Variants in PIK3R5 observed in about 807,000 individuals in gnomAD.
PIK3R5 encodes the protein phosphoinositide 3-kinase regulatory subunit 5.
A neutral mutation model predicts 94.9 loss-of-function variants in PIK3R5; 32 were observed. The observed-to-expected ratio is 0.34, with a 90% CI of 0.25 to 0.45. The LOEUF (loss-of-function observed/expected upper bound fraction) is 0.45. Among genes scored for constraint, PIK3R5 ranks in the 20% least tolerant of loss-of-function variants. The pLI, the probability that PIK3R5 is intolerant of heterozygous loss-of-function variation, is 1.00. For synonymous variants in PIK3R5, 443 were observed against 479.4 expected, an observed-to-expected ratio of 0.92 and a Z score of 0.99; for missense variants, 853 against 1,144.6, an observed-to-expected ratio of 0.75 and a Z score of 3.68.
chr17:8,892,304 G>A lies in PIK3R5; in HGVS notation c.482+1282C>T, dbSNP rs1329987385. Among the ~76,000 whole-genome samples, 2 of 152,166 alleles carry A rather than the reference G, an allele frequency of 1.3e-5. No individual in the cohort carries two copies. The highest frequency in any genetic ancestry group is 2.9e-5 in the Non-Finnish European group (2 of 68,024). ...TCTGTAAGAAAAAGGAGGTGGGCTT[G>A]TATAAGCAGCCCCTTACAACCTTGT... On this transcript the variant is annotated intron_variant, in intron 6 of 18. Coordinates refer to ENST00000447110, the MANE Select transcript of PIK3R5 (RefSeq NM_001142633.3). This position sits in a 1 kb window ranked among gnomAD's most constrained non-coding sequence, Gnocchi z 4.3.
chr17:8,886,619 G>A lies in PIK3R5; in HGVS notation c.1906-14C>T. On this transcript the variant is annotated splice_polypyrimidine_tract_variant and intron_variant, in intron 12 of 18. Coordinates refer to ENST00000447110, the MANE Select transcript of PIK3R5 (RefSeq NM_001142633.3). ...CTTCAGGGACTGCTGTGGCCAGAGG[G>A]AAGGGGCAGCCAAGCCAGATGGGTG... 6.4e-7 allele frequency: 1 copy of A among 1,566,712 alleles called. No homozygotes were observed. Among genetic ancestry groups the A allele is most frequent in the Non-Finnish European group, 8.6e-7 (1 of 1,160,062 alleles).
At chr17:8,903,346 A>C (rs2090330645) in intron 5 of PIK3R5, among the ~76,000 whole-genome samples, 1 of 151,690 alleles carries the variant, frequency 6.6e-6, no homozygotes, top group Admixed American at 6.6e-5. Context: ...TACTATTTTA[A>C]TAACTATAGC....
At chr17:8,943,051 C>T (rs1242130053) in intron 1 of PIK3R5, among the ~76,000 whole-genome samples, 1 of 151,698 alleles carries the variant, frequency 6.6e-6, no homozygotes, top group Admixed American at 6.6e-5. Flanking sequence ...CACTCCTAAA[C>T]ATCAGCTTGA....
chr17:8,886,173 A>T, intron 14 of PIK3R5, 56 bp downstream of exon 14: 1 of 1,355,424 alleles, frequency 7.4e-7, no homozygotes, highest in Non-Finnish European at 1.0e-6. Flanking sequence ...ACAGAGCTCC[A>T]CGTTTCGCGT....
chr17:8,959,599 C>T (rs551872172), intron 1 of PIK3R5, among the ~76,000 whole-genome samples: 2 of 151,444 alleles, frequency 1.3e-5, no homozygotes, highest in East Asian at 3.9e-4. Flanking sequence ...AACGCTCCCC[C>T]AGGAGGCTGG....
Position 8,888,925 on chromosome 17 carries a change from T to C in PIK3R5, c.896-34A>G, listed in dbSNP as rs765397789. On this transcript the variant is annotated intron_variant, in intron 9 of 18. Transcript: ENST00000447110. This position sits in a 1 kb window ranked among gnomAD's most constrained non-coding sequence, Gnocchi z 7.8. ...AAGCAAGGCCAGCACTGTCTGGGCG[T>C]CTGGGCCCCGGATCCCCTTCTATAT... 25 of 1,566,642 alleles carry C rather than the reference T, an allele frequency of 1.6e-5. 1 individual carries two copies. In the South Asian group the frequency reaches 2.9e-4, roughly 18 times the overall value.
intron 5 of PIK3R5, among the ~76,000 whole-genome samples, chr17:8,894,144 G>A (rs1258536821): frequency 6.6e-6 from 1 of 152,208 alleles, no homozygotes; most frequent in Non-Finnish European, 1.5e-5. Flanking sequence ...TAGATCCGTG[G>A]CCTCTGAGGC....
rs1483533837 is a variant in PIK3R5 at position 8,909,413 on chromosome 17, C to T, written c.104-239G>A. On this transcript the variant is annotated intron_variant, in intron 2 of 18. Coordinates refer to ENST00000447110, the MANE Select transcript of PIK3R5 (RefSeq NM_001142633.3). This position sits in a 1 kb window ranked among gnomAD's most constrained non-coding sequence, Gnocchi z 4.3. ...CAAGCGATTCCCCTGCCTCAGCCTC[C>T]CAAGTAGCTGGGATTACAGGCACGT... is the stretch of plus-strand genomic sequence containing the variant. Among the ~76,000 whole-genome samples the T allele has an allele frequency of 2.0e-5, 3 of 152,118 alleles. No individual in the cohort carries two copies. The highest frequency in any genetic ancestry group is 2.9e-5 in the Non-Finnish European group (2 of 68,024).
chr17:8,950,543 T>A (rs535989433), intron 1 of PIK3R5, among the ~76,000 whole-genome samples: 4 of 152,234 alleles, frequency 2.6e-5, no homozygotes, highest in African/African-American at 9.6e-5. Context: ...AGAGAACATA[T>A]GGTATTTGGT....
Position 8,882,119 on chromosome 17 carries a change from C to T in PIK3R5, c.2206-238G>A. 2 of 539,468 alleles carry T rather than the reference C, an allele frequency of 3.7e-6. No individual in the cohort carries two copies. The highest frequency in any genetic ancestry group is 2.2e-5 in the South Asian group (1 of 46,472). 33.4% of individuals were successfully genotyped at this position (539,468 alleles called of 1,614,324 possible). A position where few individuals can be genotyped will look rare whatever the true frequency, so the allele number is the denominator to read the frequency against. ...GCCTCTGTGACCAGGTTGAAAGGTA[C>T]AAGAGCTGAGAGCACCTGCAGGGGT... On this transcript the variant is annotated intron_variant, in intron 15 of 18. Transcript: ENST00000447110. The surrounding 1 kb of genome is among the most constrained non-coding windows in gnomAD (Gnocchi z 4.1).
At chr17:8,891,445 G>GA (rs978470985) in intron 6 of PIK3R5, among the ~76,000 whole-genome samples, 3 of 152,084 alleles carry the variant, frequency 2.0e-5, no homozygotes, top group Admixed American at 6.5e-5. Flanking sequence ...GCTTATGAGG[G>GA]ACACCTTTTC....
Position 8,885,251 on chromosome 17 carries a change from A to C in PIK3R5, c.2129-468T>G, listed in dbSNP as rs549064477. Among the ~76,000 whole-genome samples the C allele has an allele frequency of 1.6e-4, 24 of 147,012 alleles. No homozygotes were observed. The South Asian group carries it at 5.0e-3, about 31-fold the overall frequency. On this transcript the variant is annotated intron_variant, in intron 14 of 18. Transcript: ENST00000447110. Reference sequence around the variant, plus strand: ...CTTCCCATGGTCCTGCCTCCCGGTAACCGTGCCTCCCCAGGGCCCTGCCTT... The same window carrying C: ...CTTCCCATGGTCCTGCCTCCCGGTACCCGTGCCTCCCCAGGGCCCTGCCTT...
In PIK3R5 at chr17:8,884,819, G is replaced by A; in HGVS notation, c.2129-36C>T. 2 of 1,589,000 alleles carry A rather than the reference G, an allele frequency of 1.3e-6. No individual in the cohort carries two copies. The highest frequency in any genetic ancestry group is 1.3e-5 in the African/African-American group (1 of 74,552). ...CACAGACAGACCCTTCACTACCCCT[G>A]GCTTCCCCGGCTCCTCACGAACGCA... On this transcript the variant is annotated intron_variant, in intron 14 of 18. Transcript: ENST00000447110. This position sits in a 1 kb window ranked among gnomAD's most constrained non-coding sequence, Gnocchi z 5.8.
intron 5 of PIK3R5, among the ~76,000 whole-genome samples, chr17:8,903,457 ATTT>A (rs559199387): frequency 2.0e-5 from 3 of 150,308 alleles, no homozygotes; most frequent in African/African-American, 4.9e-5. Context: ...TTTCAAATAG[ATTT>A]TTTTATTTTC....
rs1192792543 is a variant in PIK3R5 at position 8,945,819 on chromosome 17, T to C, written c.-14+19777A>G. 2.0e-5 allele frequency among the ~76,000 whole-genome samples: 3 copies of C among 152,200 alleles called. No homozygotes were observed. Among genetic ancestry groups the C allele is most frequent in the Non-Finnish European group, 4.4e-5 (3 of 68,042 alleles). On this transcript the variant is annotated intron_variant, in intron 1 of 18. Transcript: ENST00000447110. The surrounding 1 kb of genome is among the most constrained non-coding windows in gnomAD (Gnocchi z 4.0). ...ACAGATTATAGCGGAAGTGATGCTG[T>C]GTGGCTTCCAAGGCTAGGTCACTAA...
At position 8,901,210 on chromosome 17, in the gene PIK3R5, T is replaced by G. The variant is rs534235458; in HGVS notation, c.412+3567A>C. Reference sequence around the variant, plus strand: ...TTTGTTCCTTTAACTGGTTTGTTCCTTTCCTTGGGAAGCTGGGTTGGCAAA... The same window carrying G: ...TTTGTTCCTTTAACTGGTTTGTTCCGTTCCTTGGGAAGCTGGGTTGGCAAA... On this transcript the variant is annotated intron_variant, in intron 5 of 18. Coordinates refer to ENST00000447110, the MANE Select transcript of PIK3R5 (RefSeq NM_001142633.3). Among the ~76,000 whole-genome samples the G allele has an allele frequency of 2.0e-5, 3 of 152,316 alleles. No individual in the cohort carries two copies. In the South Asian group the frequency reaches 6.2e-4, roughly 32 times the overall value.
chr17:8,888,256 C>G lies in PIK3R5; in HGVS notation c.1531G>C (p.Asp511His), dbSNP rs769606668. ...ACACGTAGCGTGGAAGCCTTGGGAT[C>G]CTCATCTCCACTCAGGAAGGGGCGG... ...RRRPFLSGDE[D>H]PKASTLRVVV... The change falls in exon 10 of 19, where the codon GAT becomes CAT. Residue 511 changes from aspartate to histidine, a missense_variant. Around this residue, in one of 6 missense-constraint regions of PIK3R5, gnomAD observed 319 missense variants for 339.8 expected, o/e 0.94. Coordinates refer to ENST00000447110, the MANE Select transcript of PIK3R5 (RefSeq NM_001142633.3). The surrounding 1 kb of genome is among the most constrained non-coding windows in gnomAD (Gnocchi z 7.8). 1 of 1,613,494 alleles carries G rather than the reference C, an allele frequency of 6.2e-7. No homozygotes were observed. Among genetic ancestry groups the G allele is most frequent in the South Asian group, 1.1e-5 (1 of 91,070 alleles).
chr17:8,893,636 C>A lies in PIK3R5; in HGVS notation c.432G>T (p.Leu144=). 6.2e-7 allele frequency: 1 copy of A among 1,613,816 alleles called. No individual in the cohort carries two copies. The highest frequency in any genetic ancestry group is 8.5e-7 in the Non-Finnish European group (1 of 1,179,726). The change falls in exon 6 of 19, where the codon CTG becomes CTT. Residue 144 remains leucine (L), a synonymous_variant. Coordinates refer to ENST00000447110, the MANE Select transcript of PIK3R5 (RefSeq NM_001142633.3). The surrounding 1 kb of genome is among the most constrained non-coding windows in gnomAD (Gnocchi z 5.1). ...TGGGCAGGCCCTGCTCAGCCCTCACCAGTCTCTGGTAGGAGATCCCTGTGG... is the reference window on the plus strand; with the variant it reads ...TGGGCAGGCCCTGCTCAGCCCTCACAAGTCTCTGGTAGGAGATCCCTGTGG... The part of the protein sequence containing the change: ...LKAPGISYQR[L]VRAEQGLPIR...
rs1326634787 is a variant in PIK3R5, at chr17:8,889,909, C to T, written c.811+64G>A. 5 of 1,575,858 alleles carry T rather than the reference C, an allele frequency of 3.2e-6. No individual in the cohort carries two copies. The Admixed American group carries it at 5.0e-5, about 16-fold the overall frequency. The stretch of plus-strand genomic sequence containing the variant: ...AGCCACCAGGCCCGCCTGGACCGTG[C>T]ACCTTGGGACCTAGAATAGGCCATG... On this transcript the variant is annotated intron_variant, in intron 8 of 18. Coordinates refer to ENST00000447110, the MANE Select transcript of PIK3R5 (RefSeq NM_001142633.3). This position sits in a 1 kb window ranked among gnomAD's most constrained non-coding sequence, Gnocchi z 4.1.
Sources: gnomAD v4.1 joint callset for allele counts (sites outside exome capture counted in the v4.1 genomes callset) on GRCh38, gnomAD v4.1.1 for gene constraint, gnomAD v4.1.1 regional missense constraint, Gnocchi (gnomAD v3.1) non-coding constraint, MANE v1.5 for transcripts, NCBI Gene and HGNC (gene_info 2026-07-23, HGNC 2026-07-21) for gene names.